Variants in ELAPOR2 observed in about 807,000 individuals in gnomAD.
The protein encoded by ELAPOR2 is endosome/lysosome-associated apoptosis and autophagy regulator family member 2.
In ELAPOR2, 89 loss-of-function variants were observed where a neutral mutation model predicts 120.7. The ratio of observed to expected loss-of-function variants is 0.74; its 90% confidence interval spans 0.62 to 0.88. ELAPOR2 has a LOEUF of 0.88. Among genes scored for constraint, ELAPOR2 ranks in the 40% least tolerant of loss-of-function variants. ELAPOR2 has a pLI of 0.00. For synonymous variants in ELAPOR2, 444 were observed against 444.9 expected (o/e 1.00, Z 0.03); for missense variants, 1,134 against 1,251.6 (o/e 0.91, Z 1.42).
chr7:86,878,936 G>T lies in ELAPOR2; in HGVS notation c.*1535C>A, dbSNP rs1340324257. The T allele has an allele frequency of 1.3e-5, 2 of 152,036 alleles. No homozygotes were observed. Among genetic ancestry groups the T allele is most frequent in the African/African-American group, 4.8e-5 (2 of 41,384 alleles). 9.4% of individuals were successfully genotyped at this position (152,036 alleles called of 1,614,324 possible). A position where few individuals can be genotyped will look rare whatever the true frequency, so the allele number is the denominator to read the frequency against. On this transcript the variant is annotated 3_prime_UTR_variant, in exon 22 of 22. Coordinates refer to ENST00000450689, the MANE Select transcript of ELAPOR2 (RefSeq NM_001142749.3). Reference sequence around the variant, plus strand: ...GAATGGTCTAGTGTATTACCAATCAGCCAAATAAACACAATTATTCATTTT... The same window carrying T: ...GAATGGTCTAGTGTATTACCAATCATCCAAATAAACACAATTATTCATTTT...
chr7:86,948,510 C>A (rs746267147), intron 2 of ELAPOR2, among the ~76,000 whole-genome samples: 1 of 152,030 alleles, frequency 6.6e-6, no homozygotes, highest in Non-Finnish European at 1.5e-5. Flanking sequence ...AAATGCTGAT[C>A]CAATGAGTGA....
chr7:86,927,596 A>G (rs1444360180), intron 8 of ELAPOR2, among the ~76,000 whole-genome samples: 1 of 151,794 alleles, frequency 6.6e-6, no homozygotes, highest in Non-Finnish European at 1.5e-5. Flanking sequence ...TCTCACACTC[A>G]TTCATTCACC....
At chr7:87,025,550 A>C (rs1794215511) in intron 1 of ELAPOR2, among the ~76,000 whole-genome samples, 1 of 152,180 alleles carries the variant, frequency 6.6e-6, no homozygotes, top group Admixed American at 6.6e-5. Context: ...CTTGACTCAC[A>C]GGCCAATGCT....
rs150553172 is a variant in ELAPOR2, at chr7:86,900,549, C to T, written c.2559-2917G>A. ...AAACTGCAACAACAAAAAAAAATCACGACACTGATTTAATTTATAAAGCTG... is the reference window on the plus strand; with the variant it reads ...AAACTGCAACAACAAAAAAAAATCATGACACTGATTTAATTTATAAAGCTG... On this transcript the variant is annotated intron_variant, in intron 18 of 21. Coordinates refer to ENST00000450689, the MANE Select transcript of ELAPOR2 (RefSeq NM_001142749.3). Among the ~76,000 whole-genome samples the T allele has an allele frequency of 3.5e-3, 536 of 152,270 alleles. 2 individuals carry two copies. The highest frequency in any genetic ancestry group is 0.012 in the African/African-American group (499 of 41,572).
chr7:87,024,729 C>T (rs564641485), intron 1 of ELAPOR2, among the ~76,000 whole-genome samples: 128 of 151,904 alleles, frequency 8.4e-4, no homozygotes, highest in Non-Finnish European at 1.4e-3. Flanking sequence ...TAATTATCAC[C>T]GATCCCACAG....
rs563204968 is a variant in ELAPOR2, at chr7:86,917,603, C to T, written c.1593+839G>A. ...CAGACTTGGGAGAATTGAAGACTTA[C>T]GGGTTATTTGTGATATAGATGGCTG... On this transcript the variant is annotated intron_variant, in intron 12 of 21. Transcript: ENST00000450689. 2.0e-4 allele frequency among the ~76,000 whole-genome samples: 30 copies of T among 152,166 alleles called. No individual in the cohort carries two copies. In the South Asian group the frequency reaches 2.9e-3, roughly 15 times the overall value.
chr7:86,919,462 G>A (rs965410463), intron 10 of ELAPOR2, 152 bp from the exon 11 acceptor site: 18 of 512,794 alleles, frequency 3.5e-5, no homozygotes, highest in Admixed American at 2.6e-4. Context: ...AATCACAGTC[G>A]CAAATTTCAT....
intron 1 of ELAPOR2, among the ~76,000 whole-genome samples, chr7:87,006,847 A>AT (rs1158142721): frequency 6.6e-6 from 1 of 152,232 alleles, no homozygotes; most frequent in Non-Finnish European, 1.5e-5. Context: ...TGGTACAGTT[A>AT]TACAAGGGAA....
At chr7:87,052,031 G>A (rs1795116365) in intron 1 of ELAPOR2, among the ~76,000 whole-genome samples, 1 of 152,206 alleles carries the variant, frequency 6.6e-6, no homozygotes, top group Non-Finnish European at 1.5e-5. Context: ...TCCATTTGAT[G>A]TGATTATTTA....
chr7:86,953,231 G>A (rs1791340391), intron 2 of ELAPOR2, among the ~76,000 whole-genome samples: 1 of 152,008 alleles, frequency 6.6e-6, no homozygotes, highest in Admixed American at 6.6e-5. Flanking sequence ...ATAAGTATAG[G>A]GCCTTTAATA....
At chr7:87,038,632 G>A (rs981005961) in intron 1 of ELAPOR2, among the ~76,000 whole-genome samples, 30 of 152,000 alleles carry the variant, frequency 2.0e-4, no homozygotes, top group Admixed American at 1.6e-3. Context: ...AATAATAAGA[G>A]CAATTTTGGA....
intron 21 of ELAPOR2, among the ~76,000 whole-genome samples, chr7:86,886,451 T>C (rs964714128): frequency 3.3e-5 from 5 of 152,130 alleles, no homozygotes; most frequent in African/African-American, 4.8e-5. Flanking sequence ...CTATAACTAA[T>C]GATTTTGCCA....
At chr7:86,950,869 C>A (rs1390141354) in intron 2 of ELAPOR2, among the ~76,000 whole-genome samples, 2 of 152,132 alleles carry the variant, frequency 1.3e-5, no homozygotes, top group East Asian at 3.8e-4. Flanking sequence ...TGTGACCATA[C>A]TGAGAAAATA....
intron 1 of ELAPOR2, among the ~76,000 whole-genome samples, chr7:87,058,613 A>G (rs1000545806): frequency 6.6e-6 from 1 of 152,202 alleles, no homozygotes; most frequent in African/African-American, 2.4e-5. Context: ...TAAAACAACA[A>G]TGATTACAAG....
intron 15 of ELAPOR2, chr7:86,911,685 G>C: frequency 2.2e-6 from 1 of 459,854 alleles, no homozygotes; most frequent in South Asian, 1.5e-5. Flanking sequence ...CCTCTTGAAA[G>C]TCTTTTTCTT....
chr7:87,058,872 G>A (rs1250390852), intron 1 of ELAPOR2, among the ~76,000 whole-genome samples: 2 of 152,206 alleles, frequency 1.3e-5, no homozygotes, highest in South Asian at 2.1e-4. Flanking sequence ...GTAGGACGAA[G>A]GCGTTTGCAG....
At chr7:86,914,987 G>A (rs934299042) in intron 12 of ELAPOR2, 127 bp from the exon 13 acceptor site, 3 of 762,256 alleles carry the variant, frequency 3.9e-6, no homozygotes, top group Admixed American at 3.5e-5. Context: ...TTTACAAACA[G>A]AGCATGTAAT....
rs370833499 is a variant in ELAPOR2 at position 86,945,034 on chromosome 7, G to T, written c.519C>A (p.Ile173=). The change falls in exon 4 of 22, where the codon ATC becomes ATA. Residue 173 remains isoleucine, a synonymous_variant. Coordinates refer to ENST00000450689, the MANE Select transcript of ELAPOR2 (RefSeq NM_001142749.3). ...TAGATTCTATGTAGTTTCCACGAGGGATCCAAGAAGAGCTGTGGAAACAAA... is the reference window on the plus strand; with the variant it reads ...TAGATTCTATGTAGTTTCCACGAGGTATCCAAGAAGAGCTGTGGAAACAAA... The part of the protein sequence containing the change: ...RPDGCNNSSW[I]PRGNYIESNR... The T allele has an allele frequency of 9.0e-6, 14 of 1,548,408 alleles. No homozygotes were observed. The East Asian group carries it at 1.7e-4, about 19-fold the overall frequency.
chr7:87,049,414 T>C lies in ELAPOR2; in HGVS notation c.189+9911A>G, dbSNP rs959474169. On this transcript the variant is annotated intron_variant, in intron 1 of 21. Coordinates refer to ENST00000450689, the MANE Select transcript of ELAPOR2 (RefSeq NM_001142749.3). ...CTCCTGCCTCAGCCTCCCGAGCAGCTGGAACCACAGGCTCCCGCCACCATG... is the reference window on the plus strand; with the variant it reads ...CTCCTGCCTCAGCCTCCCGAGCAGCCGGAACCACAGGCTCCCGCCACCATG... Among the ~76,000 whole-genome samples, 7 of 152,122 alleles carry C rather than the reference T, an allele frequency of 4.6e-5. No individual in the cohort carries two copies. The East Asian group carries it at 1.4e-3, about 29-fold the overall frequency.
Sources: allele counts gnomAD v4.1 joint callset (sites outside exome capture counted in the v4.1 genomes callset), GRCh38; gene constraint gnomAD v4.1.1; transcripts MANE v1.5; gene names NCBI Gene and HGNC (gene_info 2026-07-23, HGNC 2026-07-21).